Variants in PRKN observed in about 807,000 individuals in gnomAD.
The protein encoded by PRKN is E3 ubiquitin-protein ligase parkin.
Under a neutral mutation model 59.5 loss-of-function variants are expected in PRKN, and 56 were observed. That is an observed-to-expected ratio of 0.94 (90% CI 0.76 to 1.18). The LOEUF is 1.18. PRKN is among the 50% of genes most tolerant of loss of function. The pLI is 0.00. For synonymous variants in PRKN, 250 were observed against 222.1 expected (o/e 1.13, Z -1.12); for missense variants, 657 against 596.4 (o/e 1.10, Z -1.06).
At chr6:162,390,677 A>T (rs1441990801) in intron 2 of PRKN, among the ~76,000 whole-genome samples, 1 of 151,934 alleles carries the variant, frequency 6.6e-6, no homozygotes, top group Non-Finnish European at 1.5e-5. Context: ...TCCTGACCTC[A>T]ACTGATCCAC....
chr6:161,720,107 G>GA (rs1787159293), intron 7 of PRKN, among the ~76,000 whole-genome samples: 1 of 152,090 alleles, frequency 6.6e-6, no homozygotes, highest in Non-Finnish European at 1.5e-5. Flanking sequence ...CTGGAAAGTC[G>GA]AAAAAAATAA....
chr6:161,672,594 G>A (rs959136192), intron 7 of PRKN, among the ~76,000 whole-genome samples: 1 of 152,070 alleles, frequency 6.6e-6, no homozygotes, highest in Non-Finnish European at 1.5e-5. Flanking sequence ...TGGACAACAT[G>A]GTGAAAACCC....
chr6:161,870,226 T>C (rs928250687), intron 6 of PRKN, among the ~76,000 whole-genome samples: 6 of 152,002 alleles, frequency 3.9e-5, no homozygotes, highest in Non-Finnish European at 7.4e-5. Flanking sequence ...TCAGAGTGCC[T>C]ACAATTGGGA....
At chr6:161,441,248 C>T (rs1225643784) in intron 9 of PRKN, among the ~76,000 whole-genome samples, 5 of 152,152 alleles carry the variant, frequency 3.3e-5, no homozygotes, top group Admixed American at 6.5e-5. Flanking sequence ...ACTGCTCGAG[C>T]GTGAAGAGAA....
intron 6 of PRKN, among the ~76,000 whole-genome samples, chr6:161,904,587 T>A (rs186318133): frequency 6.8e-4 from 103 of 152,268 alleles, no homozygotes; most frequent in African/African-American, 2.4e-3. Flanking sequence ...AGTACTGAGA[T>A]TACAGGCGTA....
At chr6:161,733,991 C>T (rs922774612) in intron 7 of PRKN, among the ~76,000 whole-genome samples, 2 of 145,666 alleles carry the variant, frequency 1.4e-5, no homozygotes, top group Non-Finnish European at 3.0e-5. Flanking sequence ...CACACACACA[C>T]ACACACACAC....
At chr6:162,688,366 G>A (rs896656008) in intron 1 of PRKN, among the ~76,000 whole-genome samples, 1 of 152,120 alleles carries the variant, frequency 6.6e-6, no homozygotes, top group Non-Finnish European at 1.5e-5. Flanking sequence ...TAGATGGTGA[G>A]AACATGGGTG....
chr6:162,628,083 A>C (rs1296820381), intron 1 of PRKN, among the ~76,000 whole-genome samples: 1 of 152,086 alleles, frequency 6.6e-6, no homozygotes, highest in Non-Finnish European at 1.5e-5. Context: ...AGCAATAAGG[A>C]AGTCATTGGA....
intron 6 of PRKN, among the ~76,000 whole-genome samples, chr6:161,899,766 C>T (rs1234982220): frequency 6.6e-6 from 1 of 152,110 alleles, no homozygotes; most frequent in Non-Finnish European, 1.5e-5. Context: ...GGCGTATTCC[C>T]ATACGTTGTA....
chr6:162,046,038 T>C (rs1458487414), intron 5 of PRKN, among the ~76,000 whole-genome samples: 1 of 152,244 alleles, frequency 6.6e-6, no homozygotes, highest in Non-Finnish European at 1.5e-5. Flanking sequence ...TTTGTATCTA[T>C]TACTATCTTT....
At chr6:162,438,922 T>C (rs983038239) in intron 2 of PRKN, among the ~76,000 whole-genome samples, 2 of 152,232 alleles carry the variant, frequency 1.3e-5, no homozygotes, top group Admixed American at 1.3e-4. Context: ...ACACAAACTT[T>C]AAATGCTCTG....
chr6:161,687,869 T>C (rs1003862548), intron 7 of PRKN, among the ~76,000 whole-genome samples: 2 of 152,222 alleles, frequency 1.3e-5, no homozygotes, highest in African/African-American at 4.8e-5. Context: ...CACTCTGCTT[T>C]AATTACTTAC....
At chr6:161,591,905 C>T (rs1179558226) in intron 7 of PRKN, among the ~76,000 whole-genome samples, 3 of 151,820 alleles carry the variant, frequency 2.0e-5, no homozygotes. Context: ...TTTAAGAATC[C>T]AAGCCTTACC....
At chr6:162,628,627 T>C (rs1782988959) in intron 1 of PRKN, among the ~76,000 whole-genome samples, 1 of 152,140 alleles carries the variant, frequency 6.6e-6, no homozygotes, top group African/African-American at 2.4e-5. Context: ...AGCTCCCATA[T>C]TGAATGAGAA....
At chr6:162,444,928 A>AAAT (rs1790236922) in intron 1 of PRKN, among the ~76,000 whole-genome samples, 1 of 152,172 alleles carries the variant, frequency 6.6e-6, no homozygotes, top group Non-Finnish European at 1.5e-5. Flanking sequence ...TAGTATTTAA[A>AAAT]ACTATCGTCT....
chr6:162,001,895 C>T (rs1457282878), intron 5 of PRKN, among the ~76,000 whole-genome samples: 25 of 121,084 alleles, frequency 2.1e-4, no homozygotes, highest in African/African-American at 7.8e-4. Context: ...TTGATTTTGT[C>T]GAATGCTTTT....
intron 2 of PRKN, among the ~76,000 whole-genome samples, chr6:162,387,396 GA>G (rs1245846960): frequency 2.0e-5 from 3 of 152,028 alleles, no homozygotes; most frequent in African/African-American, 7.3e-5. Context: ...CTTATTGTGA[GA>G]AGGCTGTTAC....
chr6:162,368,710 A>G (rs1306219747), intron 2 of PRKN, among the ~76,000 whole-genome samples: 2 of 152,190 alleles, frequency 1.3e-5, no homozygotes, highest in East Asian at 3.9e-4. Context: ...CAATACCTCA[A>G]TGCAGACAAC....
intron 2 of PRKN, among the ~76,000 whole-genome samples, chr6:162,396,160 T>G (rs993072376): frequency 7.2e-5 from 11 of 152,238 alleles, no homozygotes; most frequent in Non-Finnish European, 1.6e-4. Context: ...GTCCTTGGAA[T>G]GCTGCTGGGC....
Sources: gnomAD v4.1 joint callset for allele counts (sites outside exome capture counted in the v4.1 genomes callset) on GRCh38, gnomAD v4.1.1 for gene constraint, MANE v1.5 for transcripts, NCBI Gene and HGNC (gene_info 2026-07-23, HGNC 2026-07-21) for gene names.